RPA1: variants seen among roughly 807,000 people sequenced by gnomAD.
The protein encoded by RPA1 is replication protein A1, also known as replication protein A 70 kDa DNA-binding subunit.
Under a neutral mutation model 83.0 loss-of-function variants are expected in RPA1, and 49 were observed. The observed-to-expected ratio is 0.59, with a 90% CI of 0.47 to 0.75. The LOEUF (loss-of-function observed/expected upper bound fraction) is 0.75, where lower values mean the gene tolerates loss of function less well. RPA1 is among the 30% of genes least tolerant of loss of function. The pLI, the probability that RPA1 is intolerant of heterozygous loss-of-function variation, is 0.00. For missense variants in RPA1, 693 were observed against 776.1 expected (o/e 0.89, Z 1.27); for synonymous variants, 279 against 281.8 (o/e 0.99, Z 0.10).
At chr17:1,843,769 C>T in intron 2 of RPA1, 151 bp from the exon 3 acceptor site, 1 of 589,214 alleles carries the variant, frequency 1.7e-6, no homozygotes, top group South Asian at 2.1e-5. Context: ...TCATCAAATC[C>T]AGTTTTCTTT....
intron 5 of RPA1, among the ~76,000 whole-genome samples, chr17:1,871,379 T>C (rs1349091209): frequency 2.0e-5 from 3 of 152,354 alleles, no homozygotes; most frequent in Non-Finnish European, 4.4e-5. Flanking sequence ...GTGTGTAATG[T>C]GCCCGTTTGA....
chr17:1,845,809 G>A (rs894047956), intron 4 of RPA1, among the ~76,000 whole-genome samples: 1 of 152,154 alleles, frequency 6.6e-6, no homozygotes, highest in South Asian at 2.1e-4. Flanking sequence ...ACATGTGCCT[G>A]TGGTCCCAGC....
At chr17:1,836,665 A>C (rs1353274054) in intron 1 of RPA1, among the ~76,000 whole-genome samples, 2 of 148,072 alleles carry the variant, frequency 1.4e-5, no homozygotes, top group Admixed American at 6.7e-5. Flanking sequence ...TTCTTTCAGC[A>C]GTTTTTTTTT....
intron 16 of RPA1, among the ~76,000 whole-genome samples, chr17:1,896,208 A>G (rs1258244605): frequency 6.6e-6 from 1 of 152,222 alleles, no homozygotes; most frequent in Non-Finnish European, 1.5e-5. Context: ...CGTCCAACCC[A>G]GGCAGCCTGA....
chr17:1,866,576 C>T (rs899272274), intron 5 of RPA1, among the ~76,000 whole-genome samples: 2 of 152,018 alleles, frequency 1.3e-5, no homozygotes, highest in Admixed American at 1.3e-4. Context: ...CTCTGCCTCC[C>T]GAAGTGCTGG....
intron 12 of RPA1, among the ~76,000 whole-genome samples, chr17:1,882,196 C>A (rs1048520465): frequency 6.6e-6 from 1 of 152,100 alleles, no homozygotes. Context: ...TTCTCCTTGG[C>A]CCCTTTTCCT....
At chr17:1,879,824 T>C in intron 11 of RPA1, 125 bp downstream of exon 11, 2 of 1,210,948 alleles carry the variant, frequency 1.7e-6, no homozygotes, top group South Asian at 2.8e-5. Context: ...GAGGGAGTGG[T>C]CTTATCCTAT....
At chr17:1,846,089 T>A (rs1331711855) in intron 4 of RPA1, among the ~76,000 whole-genome samples, 3 of 152,318 alleles carry the variant, frequency 2.0e-5, no homozygotes, top group African/African-American at 4.8e-5. Context: ...ATCTCTGTGT[T>A]GGTTGGATTT....
chr17:1,873,544 G>A (rs1270284576), intron 6 of RPA1, among the ~76,000 whole-genome samples: 1 of 152,090 alleles, frequency 6.6e-6, no homozygotes, highest in Admixed American at 6.5e-5. Flanking sequence ...TGTCACTGAT[G>A]TTTCTGTGAA....
intron 5 of RPA1, among the ~76,000 whole-genome samples, chr17:1,857,783 A>G (rs1302683979): frequency 7.0e-6 from 1 of 143,564 alleles, no homozygotes; most frequent in African/African-American, 2.6e-5. Flanking sequence ...AACTGCTTCT[A>G]GGCCGAGAGT....
At chr17:1,896,986 C>G (rs1914458279) in intron 16 of RPA1, 85 bp from the exon 17 acceptor site, 3 of 1,122,528 alleles carry the variant, frequency 2.7e-6, no homozygotes, top group Middle Eastern at 3.9e-4. Flanking sequence ...TCCCGCTGGG[C>G]TCACTGAAAC....
chr17:1,873,105 T>C lies in RPA1; in HGVS notation c.454+579T>C, dbSNP rs531863286. On this transcript the variant is annotated intron_variant, in intron 6 of 16. Transcript: ENST00000254719. ...TCATCAGGTTTTACACCCTCTGACT[T>C]TGCATTCCTTTTAAGTTCTTGCCTT... Among the ~76,000 whole-genome samples, 6 of 152,364 alleles carry C rather than the reference T, an allele frequency of 3.9e-5. No homozygotes were observed. In the South Asian group the frequency reaches 1.2e-3, roughly 32 times the overall value.
At chr17:1,856,491 C>T (rs1458823807) in intron 5 of RPA1, among the ~76,000 whole-genome samples, 1 of 151,860 alleles carries the variant, frequency 6.6e-6, no homozygotes, top group Non-Finnish European at 1.5e-5. Context: ...CCCAGCCACT[C>T]GTGAGGCTGA....
At chr17:1,851,053 G>A (rs898053038) in intron 4 of RPA1, among the ~76,000 whole-genome samples, 10 of 152,124 alleles carry the variant, frequency 6.6e-5, no homozygotes, top group African/African-American at 2.2e-4. Flanking sequence ...ATTGTCATCT[G>A]TTGTCCAGTT....
At chr17:1,838,286 G>T (rs549537332) in intron 1 of RPA1, among the ~76,000 whole-genome samples, 94 of 144,974 alleles carry the variant, frequency 6.5e-4, no homozygotes, top group African/African-American at 2.3e-3. Context: ...GCAAAACTCC[G>T]TCTCAAAAAA....
chr17:1,897,658 A>C lies in RPA1; in HGVS notation c.*483A>C, dbSNP rs1309422783. The stretch of plus-strand genomic sequence containing the variant: ...GTAAGTGTGTCTTCCTAGAATTCGA[A>C]GGCTCTCTCTTTCTAGAGGTGCTAC... On this transcript the variant is annotated 3_prime_UTR_variant, in exon 17 of 17. Coordinates refer to ENST00000254719, the MANE Select transcript of RPA1 (RefSeq NM_002945.5). 1 of 162,678 alleles carries C rather than the reference A, an allele frequency of 6.1e-6. No individual in the cohort carries two copies. 10.1% of individuals were successfully genotyped at this position (162,678 alleles called of 1,614,324 possible). A position where few individuals can be genotyped will look rare whatever the true frequency, so the allele number is the denominator to read the frequency against.
At chr17:1,857,403 A>G (rs184077105) in intron 5 of RPA1, among the ~76,000 whole-genome samples, 1 of 152,250 alleles carries the variant, frequency 6.6e-6, no homozygotes, top group East Asian at 1.9e-4. Context: ...TAATATGTTC[A>G]ATGATAATTT....
intron 12 of RPA1, among the ~76,000 whole-genome samples, chr17:1,883,053 C>T (rs895691148): frequency 2.0e-5 from 3 of 152,036 alleles, no homozygotes; most frequent in Non-Finnish European, 4.4e-5. Context: ...GGAGCAGTGC[C>T]TCACGCCCTG....
At chr17:1,833,029 C>T (rs924964034) in intron 1 of RPA1, among the ~76,000 whole-genome samples, 6 of 152,176 alleles carry the variant, frequency 3.9e-5, no homozygotes, top group Admixed American at 1.3e-4. Flanking sequence ...CGGGTTCAAG[C>T]GATTCTCCTG....
Sources: gnomAD v4.1 joint callset for allele counts (sites outside exome capture counted in the v4.1 genomes callset) on GRCh38, gnomAD v4.1.1 for gene constraint, MANE v1.5 for transcripts, NCBI Gene and HGNC (gene_info 2026-07-23, HGNC 2026-07-21) for gene names.